The following TTC3 variants were observed in gnomAD, a reference collection of about 807,000 sequenced individuals.
The protein encoded by TTC3 is E3 ubiquitin-protein ligase TTC3.
TTC3 carries 180 observed loss-of-function variants against 249.6 expected under a neutral mutation model. The ratio of observed to expected loss-of-function variants is 0.72; its 90% CI spans 0.64 to 0.82. TTC3 has a LOEUF of 0.82. TTC3 is among the 40% of genes least tolerant of loss of function. TTC3 has a pLI of 0.00. For missense variants in TTC3, 2,061 were observed against 2,398.4 expected (o/e 0.86, Z 2.94); for synonymous variants, 717 against 805.0 (o/e 0.89, Z 1.85).
chr21:37,128,024 C>A (rs1429846626), intron 15 of TTC3, among the ~76,000 whole-genome samples: 1 of 152,158 alleles, frequency 6.6e-6, no homozygotes, highest in Non-Finnish European at 1.5e-5. Context: ...TCAGCATTTA[C>A]ATACAGGGGA....
At chr21:37,088,135 G>C in intron 3 of TTC3, 61 bp from the exon 4 acceptor site, 1 of 1,421,840 alleles carries the variant, frequency 7.0e-7, no homozygotes, top group Non-Finnish European at 9.4e-7. Context: ...TTACTATTAA[G>C]TGTTGATTCA....
At chr21:37,115,534 G>T (rs185927938) in intron 11 of TTC3, among the ~76,000 whole-genome samples, 47 of 152,298 alleles carry the variant, frequency 3.1e-4, no homozygotes, top group Admixed American at 2.6e-4. Context: ...ATGTGCACAT[G>T]GTTTGATATG....
At chr21:37,115,990 TA>T (rs1281162095) in intron 11 of TTC3, among the ~76,000 whole-genome samples, 4 of 152,220 alleles carry the variant, frequency 2.6e-5, no homozygotes, top group Admixed American at 6.5e-5. Context: ...TCTTAGGACT[TA>T]CCATTATCTA....
At chr21:37,167,028 G>A (rs557511246) in intron 33 of TTC3, among the ~76,000 whole-genome samples, 5 of 152,300 alleles carry the variant, frequency 3.3e-5, no homozygotes, top group South Asian at 2.1e-4. Context: ...GCCTTCCAGC[G>A]TGGGGTGCCT....
intron 10 of TTC3, chr21:37,100,956 C>T (rs1407319072): frequency 6.6e-6 from 1 of 152,168 alleles, no homozygotes; most frequent in East Asian, 1.9e-4. Context: ...TTCTGCAGTT[C>T]CAACAGCTTA....
At chr21:37,165,456 A>C in intron 32 of TTC3, 94 bp from the exon 33 acceptor site, 1 of 917,556 alleles carries the variant, frequency 1.1e-6, no homozygotes, top group South Asian at 1.8e-5. Context: ...AAAGTGAAAC[A>C]GTGTTTTCCT....
chr21:37,081,820 C>T (rs538130682), intron 1 of TTC3: 1 of 151,688 alleles, frequency 6.6e-6, no homozygotes, highest in Non-Finnish European at 1.5e-5. Context: ...CCTCTGTAAC[C>T]CATCCTGTCT....
At chr21:37,185,607 CAAG>C in intron 36 of TTC3, 96 bp from the exon 37 acceptor site, 1 of 535,286 alleles carries the variant, frequency 1.9e-6, no homozygotes, top group Non-Finnish European at 3.1e-6. Context: ...ATTAAAAAAT[CAAG>C]AAATGTTTTT....
chr21:37,101,139 A>G (rs2074452402), intron 10 of TTC3: 1 of 152,238 alleles, frequency 6.6e-6, no homozygotes, highest in African/African-American at 2.4e-5. Context: ...AAACTCATGT[A>G]TTTTTAAACT....
chr21:37,184,650 G>A (rs1206334195), intron 36 of TTC3, among the ~76,000 whole-genome samples: 19 of 55,206 alleles, frequency 3.4e-4, no homozygotes. Flanking sequence ...TTTTTTTTTA[G>A]TAGAGATGGG....
intron 18 of TTC3, among the ~76,000 whole-genome samples, chr21:37,136,453 CAG>C (rs2077947680): frequency 6.6e-6 from 1 of 152,142 alleles, no homozygotes; most frequent in Non-Finnish European, 1.5e-5. Context: ...CTTGCCGATG[CAG>C]AGAGTCTTAG....
Position 37,172,586 on chromosome 21 carries a change from C to T in TTC3, c.4468-9C>T. 6.2e-7 allele frequency: 1 copy of T among 1,603,808 alleles called. No homozygotes were observed. Among genetic ancestry groups the T allele is most frequent in the Non-Finnish European group, 8.5e-7 (1 of 1,177,128 alleles). On this transcript the variant is annotated splice_polypyrimidine_tract_variant and intron_variant, in intron 34 of 45. Coordinates refer to ENST00000355666, the Ensembl canonical transcript of TTC3. The stretch of plus-strand genomic sequence containing the variant: ...ATTTTTAATAGATTGTTTTGTAATT[C>T]ACTTTTAGGGGGAAATTTCACGGAT...
chr21:37,167,620 A>G (rs368243431), exon 34 of TTC3: 25 of 1,607,702 alleles, frequency 1.6e-5, no homozygotes, highest in Non-Finnish European at 2.0e-5. Context: ...AGGAACGACA[A>G]GTGAGTCAAA....
Position 37,166,083 on chromosome 21 carries a change from G to A in TTC3, c.3869G>A (p.Arg1290Gln), listed in dbSNP as rs538903036. ...GGCTCTGAGGATGCAAATTACAAGC[G>A]AGTCTCCTGTAATTCCCCCAAACCG... Residue 1290 changes from arginine to glutamine, a missense_variant, in exon 33 of 46, where the codon CGA becomes CAA. Arg to Gln is a conservative substitution (Grantham distance 43). Around this residue, in one of 3 missense-constraint regions of TTC3, gnomAD observed 1,040 missense variants for 1,186.1 expected, o/e 0.88. Coordinates refer to ENST00000355666, the Ensembl canonical transcript of TTC3. The A allele has an allele frequency of 7.4e-6, 12 of 1,614,172 alleles. No homozygotes were observed. The East Asian group carries it at 1.8e-4, about 24-fold the overall frequency.
chr21:37,152,896 ATG>A, intron 26 of TTC3, 53 bp from the exon 27 acceptor site: 1 of 1,370,684 alleles, frequency 7.3e-7, no homozygotes, highest in African/African-American at 1.5e-5. Context: ...TTCTAAGTTT[ATG>A]TAATTGTGAA....
chr21:37,112,133 A>G (rs1166280381), intron 11 of TTC3, among the ~76,000 whole-genome samples: 1 of 152,218 alleles, frequency 6.6e-6, no homozygotes, highest in Non-Finnish European at 1.5e-5. Flanking sequence ...ATCACAAAAG[A>G]ACTAGAGAAG....
intron 3 of TTC3, 124 bp from the exon 4 acceptor site, chr21:37,088,072 C>T (rs2072746518): frequency 9.9e-7 from 1 of 1,008,994 alleles, no homozygotes; most frequent in Non-Finnish European, 1.4e-6. Context: ...ATTTAACAGG[C>T]TAGAATACTT....
intron 40 of TTC3, among the ~76,000 whole-genome samples, chr21:37,191,646 T>G (rs2084125107): frequency 6.6e-6 from 1 of 152,222 alleles, no homozygotes; most frequent in Non-Finnish European, 1.5e-5. Flanking sequence ...TGGTGCGATC[T>G]TGGCTCACTG....
intron 1 of TTC3, among the ~76,000 whole-genome samples, chr21:37,075,439 G>T (rs2070715932): frequency 2.0e-5 from 3 of 152,302 alleles, no homozygotes; most frequent in South Asian, 2.1e-4. Flanking sequence ...TAGTAGATTT[G>T]CCGGATTGTA....
Sources: gnomAD v4.1 joint callset for allele counts (sites outside exome capture counted in the v4.1 genomes callset) on GRCh38, gnomAD v4.1.1 for gene constraint, gnomAD v4.1.1 regional missense constraint, MANE v1.5 for transcripts, NCBI Gene and HGNC (gene_info 2026-07-23, HGNC 2026-07-21) for gene names.